TAF3: variants seen among roughly 807,000 people sequenced by gnomAD.
TAF3 encodes the protein transcription initiation factor TFIID subunit 3.
A neutral mutation model predicts 80.6 loss-of-function variants in TAF3; 7 were observed. The observed-to-expected ratio is 0.09, with a 90% confidence interval of 0.05 to 0.16. The LOEUF is 0.16. Ranked by LOEUF, TAF3 falls within the 10% of genes least tolerant of loss-of-function variation. TAF3 has a pLI of 1.00. For missense variants in TAF3, 921 were observed against 1,140.2 expected (o/e 0.81, Z 2.77); for synonymous variants, 444 against 446.1 (o/e 1.00, Z 0.06).
chr10:8,010,210 A>G lies in TAF3; in HGVS notation c.2568+880A>G, dbSNP rs166411. On this transcript the variant is annotated intron_variant, in intron 5 of 6. Coordinates refer to ENST00000344293, the MANE Select transcript of TAF3 (RefSeq NM_031923.4). ...GCATGAACAACCATGCCCAGCCAAG[A>G]TGCATTTCTTCATTGCAGTTTTTCA... 5.0e-3 allele frequency among the ~76,000 whole-genome samples: 766 copies of G among 152,304 alleles called. 5 individuals are homozygous for G. Among genetic ancestry groups the G allele is most frequent in the African/African-American group, 0.018 (739 of 41,562 alleles).
At chr10:7,828,350 G>A (rs569706391) in intron 2 of TAF3, among the ~76,000 whole-genome samples, 1 of 152,252 alleles carries the variant, frequency 6.6e-6, no homozygotes, top group Non-Finnish European at 1.5e-5. Context: ...CTGAGGAGCT[G>A]TGTGATTATC....
chr10:7,991,062 C>G (rs1022941208), intron 4 of TAF3, among the ~76,000 whole-genome samples: 3 of 151,992 alleles, frequency 2.0e-5, no homozygotes, highest in African/African-American at 7.3e-5. Flanking sequence ...TTTTTTTTCT[C>G]TTTTGTAATG....
intron 2 of TAF3, among the ~76,000 whole-genome samples, chr10:7,840,276 C>T (rs1836898092): frequency 6.6e-6 from 1 of 151,850 alleles, no homozygotes; most frequent in African/African-American, 2.4e-5. Flanking sequence ...CCTCAGCCTC[C>T]TGAATAGCTC....
At chr10:7,958,582 G>C (rs563440626) in intron 2 of TAF3, among the ~76,000 whole-genome samples, 36 of 152,216 alleles carry the variant, frequency 2.4e-4, no homozygotes, top group Admixed American at 1.4e-3. Context: ...AAAGGAAACA[G>C]ATTGAAGATC....
intron 2 of TAF3, among the ~76,000 whole-genome samples, chr10:7,907,964 A>C (rs1837621011): frequency 6.6e-6 from 1 of 152,214 alleles, no homozygotes; most frequent in Non-Finnish European, 1.5e-5. Context: ...AGGAATAGAA[A>C]GAAGAGGCTC....
chr10:8,003,784 G>A (rs928181816), intron 4 of TAF3, among the ~76,000 whole-genome samples: 20 of 152,218 alleles, frequency 1.3e-4, no homozygotes, highest in South Asian at 2.1e-4. Context: ...AGTGGCATGC[G>A]CCTGTAATCC....
intron 3 of TAF3, among the ~76,000 whole-genome samples, chr10:7,966,158 A>G (rs943130780): frequency 6.6e-6 from 1 of 152,242 alleles, no homozygotes; most frequent in Non-Finnish European, 1.5e-5. Context: ...CCACGGCACT[A>G]TTTTAAGAGG....
chr10:7,851,564 A>T (rs1032374648), intron 2 of TAF3, among the ~76,000 whole-genome samples: 1 of 152,170 alleles, frequency 6.6e-6, no homozygotes, highest in Admixed American at 6.5e-5. Context: ...GACTACAACA[A>T]TTAACTTCCG....
rs1469870817 is a variant in TAF3, at chr10:8,009,174, C to CCCTGCG, written c.2414_2415insTGCGCC (p.Pro805_Met806insAlaPro). The CCCTGCG allele has an allele frequency of 3.7e-5, 56 of 1,528,972 alleles. No individual in the cohort carries two copies. Among genetic ancestry groups the CCCTGCG allele is most frequent in the Non-Finnish European group, 4.9e-5 (56 of 1,136,690 alleles). The allele number at this position is 1,528,972 out of a possible 1,614,324, so 94.7% of individuals were successfully genotyped here. ...CGCCGGCCCCCGCGCCCGCCCCCGGCCCCATGCTCGTCAGCCCTGCGCCCG... is the reference window on the plus strand; with the variant it reads ...CGCCGGCCCCCGCGCCCGCCCCCGGCCCTGCGCCCATGCTCGTCAGCCCTGCGCCCG... On this transcript the variant is annotated inframe_insertion, in exon 5 of 7. Coordinates refer to ENST00000344293, the MANE Select transcript of TAF3 (RefSeq NM_031923.4). The surrounding 1 kb of genome is among the most constrained non-coding windows in gnomAD (Gnocchi z 4.1).
At chr10:7,959,126 C>T (rs867759166) in intron 2 of TAF3, among the ~76,000 whole-genome samples, 4 of 123,540 alleles carry the variant, frequency 3.2e-5, no homozygotes, top group South Asian at 3.0e-4. Flanking sequence ...GGTGACAGAA[C>T]GAGATTCTGT....
At chr10:7,929,629 G>C (rs543912279) in intron 2 of TAF3, among the ~76,000 whole-genome samples, 1 of 152,264 alleles carries the variant, frequency 6.6e-6, no homozygotes, top group South Asian at 2.1e-4. Context: ...ATCCCAAAGT[G>C]CTGGGATTGC....
At chr10:7,902,477 G>T (rs568176519) in intron 2 of TAF3, among the ~76,000 whole-genome samples, 2 of 151,968 alleles carry the variant, frequency 1.3e-5, no homozygotes, top group African/African-American at 4.8e-5. Context: ...TTAAGAGTCC[G>T]GGCCAATATT....
intron 2 of TAF3, among the ~76,000 whole-genome samples, chr10:7,837,273 G>T (rs1836860061): frequency 6.6e-6 from 1 of 150,560 alleles, no homozygotes; most frequent in Admixed American, 6.6e-5. Context: ...TGAGGCAGGA[G>T]AATTGCTTGA....
intron 2 of TAF3, chr10:7,833,913 G>A (rs1338288605): frequency 1.3e-5 from 8 of 624,858 alleles, no homozygotes; most frequent in Non-Finnish European, 1.4e-5. Flanking sequence ...CACAGTGCGT[G>A]TGGAAGTGGG....
At position 7,885,520 on chromosome 10, in the gene TAF3, G is replaced by A. The variant is rs75288759; in HGVS notation, c.409+60960G>A. On this transcript the variant is annotated intron_variant, in intron 2 of 6. Coordinates refer to ENST00000344293, the MANE Select transcript of TAF3 (RefSeq NM_031923.4). ...TGTCTGCCCCATTTCCCTCCTCACC[G>A]AATCCTTTCCACTTGGCCCCATCCA... Among the ~76,000 whole-genome samples the A allele has an allele frequency of 8.4e-3, 1,272 of 152,126 alleles. 15 individuals are homozygous for A. Among genetic ancestry groups the A allele is most frequent in the African/African-American group, 0.027 (1,140 of 41,498 alleles).
intron 4 of TAF3, among the ~76,000 whole-genome samples, chr10:8,002,375 T>C (rs1316804446): frequency 6.6e-6 from 1 of 152,216 alleles, no homozygotes; most frequent in African/African-American, 2.4e-5. Context: ...TAATTTTGAA[T>C]GGATAGAAAA....
At chr10:7,992,002 A>G (rs1259803842) in intron 4 of TAF3, among the ~76,000 whole-genome samples, 2 of 152,206 alleles carry the variant, frequency 1.3e-5, no homozygotes, top group African/African-American at 4.8e-5. Context: ...GTAAAGGTGT[A>G]TCTTTTATGG....
chr10:7,977,568 C>T (rs1464904715), intron 4 of TAF3, among the ~76,000 whole-genome samples: 1 of 151,966 alleles, frequency 6.6e-6, no homozygotes, highest in Non-Finnish European at 1.5e-5. Context: ...AGACTAGCAC[C>T]TGACATTATT....
chr10:7,876,988 T>C (rs1204364868), intron 2 of TAF3, among the ~76,000 whole-genome samples: 2 of 152,008 alleles, frequency 1.3e-5, no homozygotes, highest in African/African-American at 4.8e-5. Flanking sequence ...CTCTTTGAAC[T>C]TCCTTTACTC....
Sources: allele counts gnomAD v4.1 joint callset (sites outside exome capture counted in the v4.1 genomes callset), GRCh38; gene constraint gnomAD v4.1.1; non-coding constraint Gnocchi (gnomAD v3.1); transcripts MANE v1.5; gene names NCBI Gene and HGNC (gene_info 2026-07-23, HGNC 2026-07-21).